The following FRMD8 variants were observed in gnomAD, a reference collection of about 807,000 sequenced individuals.
The protein encoded by FRMD8 is FERM domain containing 8.
Under a neutral mutation model 54.2 loss-of-function variants are expected in FRMD8, and 37 were observed. That is an observed-to-expected ratio of 0.68 (90% CI 0.53 to 0.90). The LOEUF (loss-of-function observed/expected upper bound fraction) is 0.90. FRMD8 is among the 40% of genes least tolerant of loss of function. FRMD8 has a pLI of 0.00. For missense variants in FRMD8, 585 were observed against 653.7 expected, an observed-to-expected ratio of 0.89 and a Z score of 1.15; for synonymous variants, 246 against 286.9, an observed-to-expected ratio of 0.86 and a Z score of 1.44.
intron 9 of FRMD8, among the ~76,000 whole-genome samples, chr11:65,403,775 G>A (rs1239912022): frequency 6.6e-6 from 1 of 152,248 alleles, no homozygotes; most frequent in Non-Finnish European, 1.5e-5. Context: ...CAGATGTTCA[G>A]CAGAGCTTCC....
intron 9 of FRMD8, among the ~76,000 whole-genome samples, chr11:65,402,123 C>T (rs978722627): frequency 2.0e-5 from 3 of 151,856 alleles, no homozygotes; most frequent in East Asian, 1.9e-4. Flanking sequence ...CCAAGGTGGG[C>T]GGATCTCTTT....
At chr11:65,406,858 T>C (rs1301720839) in intron 10 of FRMD8, among the ~76,000 whole-genome samples, 1 of 151,912 alleles carries the variant, frequency 6.6e-6, no homozygotes, top group Non-Finnish European at 1.5e-5. Flanking sequence ...GAGAATCGCT[T>C]GTACCCAGGA....
At chr11:65,376,125 C>A in the FRMD8 span, 1 of 510,764 alleles carries the variant, frequency 2.0e-6, no homozygotes, top group East Asian at 3.3e-5. Flanking sequence ...GCTGGGATGT[C>A]ACCAGCACCA....
At chr11:65,375,630 C>T in the FRMD8 span, 1 of 152,174 alleles carries the variant, frequency 6.6e-6, no homozygotes, top group Admixed American at 6.6e-5. Flanking sequence ...TTGGGCTTTT[C>T]CTGAAGGTGA....
At chr11:65,390,814 C>T (rs1037607467) in intron 3 of FRMD8, among the ~76,000 whole-genome samples, 1 of 152,278 alleles carries the variant, frequency 6.6e-6, no homozygotes, top group African/African-American at 2.4e-5. Flanking sequence ...CTCCTCCTCT[C>T]ACCTCCTCCG....
In FRMD8 at chr11:65,396,840, G is replaced by T. The variant is rs764093593; in HGVS notation, c.623G>T (p.Arg208Leu). 5 of 1,562,252 alleles carry T rather than the reference G, an allele frequency of 3.2e-6. No homozygotes were observed. In the African/African-American group the frequency reaches 5.5e-5, roughly 17 times the overall value. ...DSFLPAHLCK[R>L]GQSLFAALRG... ...TTCCTCCCTGCCCACCTCTGTAAGCGGGGCCAGAGTCTCTTTGCTGCCCTC... is the reference window on the plus strand; with the variant it reads ...TTCCTCCCTGCCCACCTCTGTAAGCTGGGCCAGAGTCTCTTTGCTGCCCTC... The change falls in exon 7 of 11, where the codon CGG becomes CTG. Residue 208 changes from arginine to leucine, a missense_variant. By Grantham distance (102) the Arg-to-Leu change is moderately radical. Transcript: ENST00000317568.
chr11:65,409,019 C>T (rs1300082976), intron 10 of FRMD8, among the ~76,000 whole-genome samples: 1 of 152,152 alleles, frequency 6.6e-6, no homozygotes, highest in Non-Finnish European at 1.5e-5. Flanking sequence ...ATGCCCTCAC[C>T]CACAATGGGT....
At chr11:65,370,020 A>C in the FRMD8 span, among the ~76,000 whole-genome samples, 2 of 151,104 alleles carry the variant, frequency 1.3e-5, no homozygotes, top group Non-Finnish European at 2.9e-5. Flanking sequence ...AACGAGAGTA[A>C]AACTCTGTCT....
At chr11:65,405,144 A>C in intron 10 of FRMD8, 76 bp downstream of exon 10, 3 of 1,396,956 alleles carry the variant, frequency 2.1e-6, no homozygotes, top group Admixed American at 1.7e-5. Flanking sequence ...TCCTGAGGAC[A>C]GGGCATTGCA....
At chr11:65,411,141 A>T in intron 10 of FRMD8, 101 bp from the exon 11 acceptor site, 1 of 897,538 alleles carries the variant, frequency 1.1e-6, no homozygotes, top group Non-Finnish European at 1.7e-6. Flanking sequence ...CAGGCTCTGG[A>T]AGGAGCCGTC....
At chr11:65,393,756 C>T (rs1224245788) in intron 4 of FRMD8, 82 bp downstream of exon 4, 9 of 1,204,548 alleles carry the variant, frequency 7.5e-6, no homozygotes, top group African/African-American at 1.5e-5. Context: ...AGGGCCCTGC[C>T]AGCAAGGAGC....
At chr11:65,376,545 C>T in the FRMD8 span, 2 of 1,614,192 alleles carry the variant, frequency 1.2e-6, no homozygotes, top group East Asian at 2.2e-5. Flanking sequence ...CCATGCAGTC[C>T]AGCATCCCCT....
intron 10 of FRMD8, 95 bp from the exon 11 acceptor site, chr11:65,411,147 C>G (rs1856320322): frequency 3.5e-5 from 34 of 966,432 alleles, no homozygotes; most frequent in Non-Finnish European, 3.7e-5. Flanking sequence ...CTGGAAGGAG[C>G]CGTCGCGCTG....
chr11:65,387,740 G>A (rs899584479), intron 2 of FRMD8, among the ~76,000 whole-genome samples: 1 of 151,904 alleles, frequency 6.6e-6, no homozygotes, highest in Non-Finnish European at 1.5e-5. Flanking sequence ...GGGTTTCATC[G>A]TGTTAGCCAG....
At chr11:65,394,793 G>A (rs1042619486) in intron 6 of FRMD8, among the ~76,000 whole-genome samples, 1 of 152,166 alleles carries the variant, frequency 6.6e-6, no homozygotes, top group Non-Finnish European at 1.5e-5. Context: ...TTCCCCAGGC[G>A]GTCGGCAAGC....
chr11:65,376,397 G>C, the FRMD8 span: 2 of 1,608,130 alleles, frequency 1.2e-6, no homozygotes, highest in Non-Finnish European at 1.7e-6. Flanking sequence ...TGCTGGCATT[G>C]CCGCAGGGCT....
chr11:65,393,515 A>G, intron 3 of FRMD8, 58 bp from the exon 4 acceptor site: 2 of 1,296,948 alleles, frequency 1.5e-6, no homozygotes, highest in African/African-American at 1.4e-5. Context: ...GATAGGTGGA[A>G]GGGCAGCCAC....
Position 65,399,745 on chromosome 11 carries a change from C to G in FRMD8, c.813C>G (p.Phe271Leu). The G allele has an allele frequency of 6.2e-7, 1 of 1,614,016 alleles. No individual in the cohort carries two copies. Among genetic ancestry groups the G allele is most frequent in the Non-Finnish European group, 8.5e-7 (1 of 1,179,954 alleles). Reference protein sequence around the residue: ...CHELPFYGCAFFHGEVDKPAQ... With the variant: ...CHELPFYGCALFHGEVDKPAQ... ...CCAGTCCCCTCCCCAGGTGTGCCTT[C>G]TTCCACGGTGAGGTTGACAAGCCGG... The change falls in exon 8 of 11, where the codon TTC becomes TTG. Residue 271 changes from phenylalanine (F) to leucine (L), a missense_variant. By Grantham distance (22) the Phe-to-Leu change is conservative (BLOSUM62 0). Coordinates refer to ENST00000317568, the MANE Select transcript of FRMD8 (RefSeq NM_031904.5).
At chr11:65,377,161 C>A in the FRMD8 span, 1 of 1,501,218 alleles carries the variant, frequency 6.7e-7, no homozygotes, top group African/African-American at 1.4e-5. Flanking sequence ...AGGAGGCAGG[C>A]AGGGGGCCAC....
Sources: allele counts gnomAD v4.1 joint callset (sites outside exome capture counted in the v4.1 genomes callset), GRCh38; gene constraint gnomAD v4.1.1; transcripts MANE v1.5; gene names NCBI Gene and HGNC (gene_info 2026-07-23, HGNC 2026-07-21).